BCOR: variants seen among roughly 807,000 people sequenced by gnomAD.
BCOR encodes BCL-6 corepressor.
BCOR carries 10 observed loss-of-function variants against 86.7 expected under a neutral mutation model. The observed-to-expected ratio is 0.12, with a 90% CI of 0.07 to 0.20. The LOEUF (loss-of-function observed/expected upper bound fraction) is 0.20. Ranked by LOEUF, BCOR falls within the 10% of genes least tolerant of loss-of-function variation. The pLI is 1.00. For synonymous variants in BCOR, 611 were observed against 609.0 expected, an observed-to-expected ratio of 1.00 and a Z score of -0.05; for missense variants, 1,259 against 1,452.1, an observed-to-expected ratio of 0.87 and a Z score of 2.16.
intron 1 of BCOR, among the ~76,000 whole-genome samples, chrX:40,171,501 G>C (rs1938619729): frequency 8.9e-6 from 1 of 111,746 alleles, no homozygotes; most frequent in Non-Finnish European, 1.9e-5. Flanking sequence ...CCCCATGGGG[G>C]GGGGGCGTAA....
At chrX:40,162,740 AAAT>A (rs1417211818) in intron 1 of BCOR, among the ~76,000 whole-genome samples, 3 of 112,062 alleles carry the variant, frequency 2.7e-5, no homozygotes, top group Admixed American at 9.5e-5. Context: ...GAGCCATAGA[AAAT>A]AATAACTGCC....
At chrX:40,112,913 C>T (rs185700094) in intron 1 of BCOR, among the ~76,000 whole-genome samples, 20 of 109,138 alleles carry the variant, frequency 1.8e-4, no homozygotes, top group African/African-American at 6.7e-4. Flanking sequence ...CACTCAGGTG[C>T]TTAAAGCAGA....
rs746653310 is a variant in BCOR, at chrX:40,146,006, CG to C, written c.-41+31000del. On this transcript the variant is annotated intron_variant, in intron 1 of 14. Coordinates refer to the BCOR transcript ENST00000342274. ...GGCGGAGAGGCGGAGGGCGGGAAAT[CG>C]GGAAGCCTGAACATGCAGCCCACCC... 4.5e-5 allele frequency among the ~76,000 whole-genome samples: 5 copies of C among 111,852 alleles called. No individual in the cohort carries two copies. The East Asian group carries it at 1.4e-3, about 32-fold the overall frequency.
At chrX:40,092,950 T>C (rs1308845862) in intron 1 of BCOR, among the ~76,000 whole-genome samples, 1 of 111,814 alleles carries the variant, frequency 8.9e-6, no homozygotes, top group Admixed American at 9.5e-5. Context: ...CATTGAGGAG[T>C]GTTTGTCATT....
At chrX:40,155,123 C>T (rs949349721) in intron 1 of BCOR, among the ~76,000 whole-genome samples, 1 of 111,380 alleles carries the variant, frequency 9.0e-6, no homozygotes, top group Admixed American at 9.4e-5. Context: ...GAGCCGGGGC[C>T]ACCTCGCCGT....
chrX:40,168,118 C>G (rs1938541610), intron 1 of BCOR, among the ~76,000 whole-genome samples: 1 of 113,059 alleles, frequency 8.8e-6, no homozygotes, highest in African/African-American at 3.2e-5. Flanking sequence ...CCGGCCACCA[C>G]GGGACCGCGG....
intron 1 of BCOR, among the ~76,000 whole-genome samples, chrX:40,138,034 C>T (rs1937723427): frequency 9.0e-6 from 1 of 111,453 alleles, no homozygotes; most frequent in South Asian, 3.8e-4. Context: ...CTCACCACAA[C>T]CTCCGCCTTC....
At chrX:40,084,267 G>A (rs1201749052) in intron 1 of BCOR, among the ~76,000 whole-genome samples, 1 of 112,038 alleles carries the variant, frequency 8.9e-6, no homozygotes, top group Non-Finnish European at 1.9e-5. Context: ...GGGGTCAGGT[G>A]CCCCCAACCT....
At chrX:40,164,239 CG>C (rs1938471832) in intron 1 of BCOR, among the ~76,000 whole-genome samples, 1 of 112,434 alleles carries the variant, frequency 8.9e-6, no homozygotes, top group Admixed American at 9.4e-5. Context: ...AAGACCCCTC[CG>C]GATGCTTCCA....
At chrX:40,098,382 C>T (rs1323974281), upstream of BCOR, among the ~76,000 whole-genome samples, 1 of 109,900 alleles carries the variant, frequency 9.1e-6, no homozygotes, top group Non-Finnish European at 1.9e-5. Context: ...TGCGCACGCC[C>T]GACCCGGGCG....
intron 1 of BCOR, among the ~76,000 whole-genome samples, chrX:40,139,808 CAAAA>C (rs5902253): frequency 2.4e-5 from 2 of 83,071 alleles, no homozygotes. Context: ...GAGACTGTCT[CAAAA>C]AAAAAAAAAA....
intron 1 of BCOR, among the ~76,000 whole-genome samples, chrX:40,146,790 C>G (rs1184053561): frequency 1.8e-5 from 2 of 112,429 alleles, no homozygotes; most frequent in Non-Finnish European, 3.8e-5. Context: ...ACCCCCGCCG[C>G]CGTTCCCAGG....
chrX:40,062,730 C>T lies in BCOR; in HGVS notation c.4173+16G>A, dbSNP rs772245711. On this transcript the variant is annotated intron_variant, in intron 9 of 14. Transcript: ENST00000378444. ...GTTCGCACAGGCCCCAGAGGGAAGC[C>T]GGGGTCAAGAGGTACCTTGCCATCG... The T allele has an allele frequency of 1.5e-5, 18 of 1,199,540 alleles. No homozygotes were observed. Among genetic ancestry groups the T allele is most frequent in the African/African-American group, 8.8e-5 (5 of 56,675 alleles).
At chrX:40,144,562 T>C (rs1937997987) in intron 1 of BCOR, among the ~76,000 whole-genome samples, 1 of 112,353 alleles carries the variant, frequency 8.9e-6, no homozygotes, top group Non-Finnish European at 1.9e-5. Context: ...ATTTTTCTTA[T>C]CTTTTGGCTA....
chrX:40,128,848 C>T (rs1218908794), intron 1 of BCOR, among the ~76,000 whole-genome samples: 1 of 111,634 alleles, frequency 9.0e-6, no homozygotes, highest in Non-Finnish European at 1.9e-5. Context: ...GGATTACAGG[C>T]GTGCAGATGT....
chrX:40,159,512 A>G (rs1359405307), intron 1 of BCOR, among the ~76,000 whole-genome samples: 2 of 109,886 alleles, frequency 1.8e-5, no homozygotes, highest in South Asian at 3.9e-4. Flanking sequence ...GCGCCCGGCT[A>G]ATTTTTTTTT....
At chrX:40,144,114 ACTGCAG>A (rs1937986268) in intron 1 of BCOR, among the ~76,000 whole-genome samples, 1 of 110,817 alleles carries the variant, frequency 9.0e-6, no homozygotes, top group Non-Finnish European at 1.9e-5. Context: ...CCTGCAGGAG[ACTGCAG>A]TATCAGGTGG....
chrX:40,143,570 A>C (rs1002255628), intron 1 of BCOR, among the ~76,000 whole-genome samples: 3 of 112,958 alleles, frequency 2.7e-5, no homozygotes, highest in Non-Finnish European at 5.6e-5. Context: ...ATAAAACGAA[A>C]GATGGTATCA....
At chrX:40,082,087 G>A (rs1264400541) in intron 1 of BCOR, among the ~76,000 whole-genome samples, 1 of 112,524 alleles carries the variant, frequency 8.9e-6, no homozygotes, top group Admixed American at 9.3e-5. Context: ...GAGAAGGCCT[G>A]ATTGGCAGAA....
Sources: allele counts gnomAD v4.1 joint callset (sites outside exome capture counted in the v4.1 genomes callset), GRCh38; gene constraint gnomAD v4.1.1; transcripts MANE v1.5; gene names NCBI Gene and HGNC (gene_info 2026-07-23, HGNC 2026-07-21).